Variants in TMEM30A observed in about 807,000 individuals in gnomAD.
The protein encoded by TMEM30A is cell division cycle 50 P4-ATPase accessory subunit A.
TMEM30A carries 24 observed loss-of-function variants against 38.2 expected under a neutral mutation model. That is an observed-to-expected ratio of 0.63 (90% CI 0.46 to 0.88). TMEM30A has a LOEUF of 0.88. TMEM30A is among the 40% of genes least tolerant of loss of function. The pLI, the probability that TMEM30A is intolerant of heterozygous loss-of-function variation, is 0.00. For missense variants in TMEM30A, 370 were observed against 458.6 expected (o/e 0.81, Z 1.77); for synonymous variants, 145 against 161.6 (o/e 0.90, Z 0.78).
chr6:75,279,968 G>A (rs1432358014), intron 1 of TMEM30A, among the ~76,000 whole-genome samples: 1 of 152,088 alleles, frequency 6.6e-6, no homozygotes, highest in Non-Finnish European at 1.5e-5. Flanking sequence ...CATATTTTAA[G>A]TACTCCCCCT....
chr6:75,266,480 T>C (rs1772068753), intron 2 of TMEM30A, among the ~76,000 whole-genome samples: 1 of 152,188 alleles, frequency 6.6e-6, no homozygotes, highest in Admixed American at 6.5e-5. Context: ...AAGAGATTAT[T>C]TGAATGAACA....
chr6:75,263,557 A>G (rs1772009975), intron 3 of TMEM30A, among the ~76,000 whole-genome samples: 1 of 152,186 alleles, frequency 6.6e-6, no homozygotes, highest in Admixed American at 6.5e-5. Flanking sequence ...GGCACTTAGA[A>G]AAAATAGCAG....
chr6:75,275,695 T>A (rs1178026345), intron 1 of TMEM30A, among the ~76,000 whole-genome samples: 1 of 152,226 alleles, frequency 6.6e-6, no homozygotes, highest in Non-Finnish European at 1.5e-5. Context: ...ACCATTCTAC[T>A]GTGACCACCA....
intron 2 of TMEM30A, among the ~76,000 whole-genome samples, chr6:75,265,803 G>A (rs1020307822): frequency 6.6e-6 from 1 of 151,960 alleles, no homozygotes; most frequent in Non-Finnish European, 1.5e-5. Context: ...CCGTTCTACC[G>A]CCTCTATCCC....
intron 1 of TMEM30A, chr6:75,272,423 T>C (rs556282356): frequency 6.6e-6 from 1 of 152,262 alleles, no homozygotes; most frequent in Admixed American, 6.5e-5. Flanking sequence ...AAACCTTTCA[T>C]AAGCAACTTC....
At position 75,272,496 on chromosome 6, in the gene TMEM30A, C is replaced by T. The variant is rs531493910; in HGVS notation, c.238-4748G>A. ...GGAAAGTTTTAGGTTATTAGCAAAT[C>T]GGGTATCAGTTTAAAACTGTGAGGT... On this transcript the variant is annotated intron_variant, in intron 1 of 6. Coordinates refer to ENST00000230461, the MANE Select transcript of TMEM30A (RefSeq NM_018247.4). 1.1e-4 allele frequency: 17 copies of T among 152,332 alleles called. No homozygotes were observed. In the South Asian group the frequency reaches 3.5e-3, roughly 32 times the overall value. The allele number at this position is 152,332 out of a possible 1,614,324, so 9.4% of individuals were successfully genotyped here. A position where few individuals can be genotyped will look rare whatever the true frequency, so the allele number is the denominator to read the frequency against.
intron 4 of TMEM30A, 70 bp from the exon 5 acceptor site, chr6:75,259,560 A>T: frequency 1.5e-6 from 2 of 1,351,972 alleles, no homozygotes; most frequent in Non-Finnish European, 2.0e-6. Context: ...TAACTCTATG[A>T]GAAATAAGGA....
At chr6:75,270,834 T>C (rs760225777) in intron 1 of TMEM30A, among the ~76,000 whole-genome samples, 2 of 152,238 alleles carry the variant, frequency 1.3e-5, no homozygotes, top group Non-Finnish European at 2.9e-5. Context: ...CTTATTTGTT[T>C]ACTGATGAAA....
At chr6:75,283,307 ATGTGTGTGTG>A (rs10545744) in intron 1 of TMEM30A, among the ~76,000 whole-genome samples, 15 of 148,446 alleles carry the variant, frequency 1.0e-4, no homozygotes, top group African/African-American at 2.7e-4. Flanking sequence ...ATTTATTAAA[ATGTGTGTGTG>A]TGTGTGTGTG....
chr6:75,274,165 T>C (rs1156396319), intron 1 of TMEM30A, among the ~76,000 whole-genome samples: 4 of 152,202 alleles, frequency 2.6e-5, no homozygotes, highest in Non-Finnish European at 5.9e-5. Context: ...AGGAACTGCA[T>C]GTGAAAATGT....
At chr6:75,259,512 C>A in intron 4 of TMEM30A, 22 bp from the exon 5 acceptor site, 1 of 1,572,272 alleles carries the variant, frequency 6.4e-7, no homozygotes, top group Non-Finnish European at 8.6e-7. Flanking sequence ...CAAAGAAAGA[C>A]ATTACTAACT....
chr6:75,276,563 A>G (rs931996297), intron 1 of TMEM30A, among the ~76,000 whole-genome samples: 1 of 151,834 alleles, frequency 6.6e-6, no homozygotes, highest in East Asian at 1.9e-4. Flanking sequence ...ATTTCCACAC[A>G]TGTGGTGTCA....
chr6:75,268,885 C>T (rs1313103188), intron 1 of TMEM30A, among the ~76,000 whole-genome samples: 1 of 152,182 alleles, frequency 6.6e-6, no homozygotes, highest in Non-Finnish European at 1.5e-5. Flanking sequence ...GAGTCTGACA[C>T]TATTTCAGGA....
chr6:75,278,598 G>C (rs993935159), intron 1 of TMEM30A, among the ~76,000 whole-genome samples: 1 of 152,098 alleles, frequency 6.6e-6, no homozygotes, highest in Non-Finnish European at 1.5e-5. Context: ...TAAATGATTA[G>C]ATCAAGTGAA....
chr6:75,281,816 T>C (rs895806747), intron 1 of TMEM30A, among the ~76,000 whole-genome samples: 4 of 152,150 alleles, frequency 2.6e-5, no homozygotes, highest in Admixed American at 6.5e-5. Flanking sequence ...AAGTGAATGT[T>C]GGTAAGAACT....
chr6:75,262,734 A>C (rs2149519686), intron 3 of TMEM30A, among the ~76,000 whole-genome samples: 1 of 152,380 alleles, frequency 6.6e-6, no homozygotes, highest in East Asian at 1.9e-4. Flanking sequence ...CTAGGTGCTA[A>C]AAACAGAAAA....
chr6:75,284,741 C>G lies in TMEM30A; in HGVS notation c.-103G>C. Reference sequence around the variant, plus strand: ...TCGAGCGCCGCTGCCGCCGCCGCCGCCGCAGCCACCAGCGCCACCGCCACA... The same window carrying G: ...TCGAGCGCCGCTGCCGCCGCCGCCGGCGCAGCCACCAGCGCCACCGCCACA... On this transcript the variant is annotated 5_prime_UTR_variant, in exon 1 of 7. Coordinates refer to ENST00000230461, the MANE Select transcript of TMEM30A (RefSeq NM_018247.4). 1 of 1,146,192 alleles carries G rather than the reference C, an allele frequency of 8.7e-7. No homozygotes were observed. Among genetic ancestry groups the G allele is most frequent in the Non-Finnish European group, 1.3e-6 (1 of 774,582 alleles). 71.0% of individuals were successfully genotyped at this position (1,146,192 alleles called of 1,614,324 possible).
intron 2 of TMEM30A, among the ~76,000 whole-genome samples, chr6:75,265,894 T>G (rs908906479): frequency 1.3e-5 from 2 of 152,220 alleles, no homozygotes; most frequent in Non-Finnish European, 2.9e-5. Flanking sequence ...AAGTGAATTC[T>G]GAACTTGAAT....
At chr6:75,264,247 A>G (rs1404938770) in intron 3 of TMEM30A, among the ~76,000 whole-genome samples, 1 of 152,238 alleles carries the variant, frequency 6.6e-6, no homozygotes, top group Non-Finnish European at 1.5e-5. Flanking sequence ...TGCTCACAAC[A>G]TAGTCCTAAA....
Sources: allele counts gnomAD v4.1 joint callset (sites outside exome capture counted in the v4.1 genomes callset), GRCh38; gene constraint gnomAD v4.1.1; transcripts MANE v1.5; gene names NCBI Gene and HGNC (gene_info 2026-07-23, HGNC 2026-07-21).